USP9X: variants seen among roughly 807,000 people sequenced by gnomAD.
USP9X encodes the protein ubiquitin specific peptidase 9 X-linked, also known as ubiquitin carboxyl-terminal hydrolase 9X.
USP9X carries 7 observed loss-of-function variants against 190.3 expected under a neutral mutation model. The observed-to-expected ratio is 0.04, with a 90% CI of 0.02 to 0.07. The LOEUF is 0.07. USP9X is among the 10% of genes least tolerant of loss of function. The probability of loss-of-function intolerance (pLI) is 1.00; values close to 1 mark genes in which losing one functional copy is unlikely to be tolerated. For missense variants in USP9X, 1,010 were observed against 1,916.9 expected, an observed-to-expected ratio of 0.53 and a Z score of 8.83; for synonymous variants, 645 against 659.5, an observed-to-expected ratio of 0.98 and a Z score of 0.34.
At chrX:41,090,830 T>C (rs2061950734) in intron 1 of USP9X, among the ~76,000 whole-genome samples, 1 of 111,145 alleles carries the variant, frequency 9.0e-6, no homozygotes, top group Non-Finnish European at 1.9e-5. Flanking sequence ...GCTCAAACAC[T>C]AGAAGAGACA....
chrX:41,105,677 T>C (rs767694322), intron 1 of USP9X, among the ~76,000 whole-genome samples: 28 of 112,351 alleles, frequency 2.5e-4, no homozygotes, highest in Non-Finnish European at 4.5e-4. Context: ...AATTGCTGTA[T>C]GTATCATATG....
intron 1 of USP9X, among the ~76,000 whole-genome samples, chrX:41,122,090 T>C (rs929605040): frequency 9.1e-6 from 1 of 110,385 alleles, no homozygotes; most frequent in Non-Finnish European, 1.9e-5. Context: ...CCAGAGGTTT[T>C]TGGGGGGTTT....
intron 13 of USP9X, 143 bp downstream of exon 13, chrX:41,151,200 ATTCTT>A: frequency 1.9e-6 from 1 of 535,716 alleles, no homozygotes; most frequent in African/African-American, 2.8e-5. Flanking sequence ...GAACAAAAGA[ATTCTT>A]TATTACATCT....
At chrX:41,162,216 C>T (rs1402884260) in intron 14 of USP9X, among the ~76,000 whole-genome samples, 1 of 111,429 alleles carries the variant, frequency 9.0e-6, no homozygotes, top group Non-Finnish European at 1.9e-5. Flanking sequence ...TTGCACATAC[C>T]ATAGGGTCTG....
chrX:41,102,070 T>C (rs2062038084), intron 1 of USP9X, among the ~76,000 whole-genome samples: 1 of 111,577 alleles, frequency 9.0e-6, no homozygotes, highest in African/African-American at 3.3e-5. Flanking sequence ...TCGATTTTGG[T>C]GATAATTGTG....
intron 14 of USP9X, among the ~76,000 whole-genome samples, chrX:41,160,026 A>C (rs2062615526): frequency 9.9e-6 from 1 of 100,777 alleles, no homozygotes; most frequent in South Asian, 4.3e-4. Context: ...TTTTTTTTTA[A>C]ATGAACTTTT....
At position 41,205,442 on chromosome X, in the gene USP9X, C is replaced by G. The variant is rs1184694581; in HGVS notation, c.4964C>G (p.Ala1655Gly). The change falls in exon 32 of 45, where the codon GCT becomes GGT. Residue 1655 changes from alanine (A) to glycine (G), a missense_variant. Physicochemically the swap from Ala to Gly is moderately conservative, Grantham distance 60. Coordinates refer to ENST00000378308, the MANE Select transcript of USP9X (RefSeq NM_001039591.3). ...CTTCAGGTCATCTTTGGTCATTTAG[C>G]TGCTTCTCGACTGCAATACTATGTG... The part of the protein sequence containing the change: ...RHLQVIFGHL[A>G]ASRLQYYVPR... The G allele has an allele frequency of 8.3e-7, 1 of 1,210,896 alleles. No homozygotes were observed. The highest frequency in any genetic ancestry group is 1.1e-6 in the Non-Finnish European group (1 of 895,163).
At chrX:41,120,327 T>A (rs1200198623) in intron 1 of USP9X, among the ~76,000 whole-genome samples, 1 of 112,288 alleles carries the variant, frequency 8.9e-6, no homozygotes, top group Non-Finnish European at 1.9e-5. Flanking sequence ...CTGTATACAT[T>A]TGTAAGGATT....
Position 41,216,468 on chromosome X carries a change from A to G in USP9X, c.5901A>G (p.Arg1967=). Residue 1967 remains arginine (R), a synonymous_variant, in exon 35 of 45, where the codon AGA becomes AGG. Transcript: ENST00000378308. ...TAGACCAAGATGATGAGTTGATAAG[A>G]TATATATCAGAGCTTGCTATCACCA... ...DTIDQDDELI[R]YISELAITTR... The G allele has an allele frequency of 8.3e-7, 1 of 1,211,456 alleles. No individual in the cohort carries two copies. Among genetic ancestry groups the G allele is most frequent in the Non-Finnish European group, 1.1e-6 (1 of 895,446 alleles).
intron 43 of USP9X, 137 bp from the exon 44 acceptor site, chrX:41,230,364 G>GTTTT: frequency 2.5e-6 from 1 of 401,031 alleles, no homozygotes; most frequent in Non-Finnish European, 4.1e-6. Context: ...TTTTCCCCAA[G>GTTTT]TTCTTTATCT....
In USP9X at chrX:41,131,338, T is replaced by C. The variant is rs1167020420; in HGVS notation, c.243-119T>C. The C allele has an allele frequency of 5.9e-6, 3 of 504,654 alleles. No homozygotes were observed. The Admixed American group carries it at 1.5e-4, about 25-fold the overall frequency. The allele number at this position is 504,654 out of a possible 1,213,427, so 41.6% of individuals were successfully genotyped here. On this transcript the variant is annotated intron_variant, in intron 3 of 44. Transcript: ENST00000378308. ...CCAACCTTGTCTTAATATTTTAATG[T>C]TATTTTAATATTAATATTAAATATT...
rs775829832 is a variant in USP9X, at chrX:41,102,306, C to G, written c.-159+16197C>G. 2.7e-5 allele frequency among the ~76,000 whole-genome samples: 3 copies of G among 111,650 alleles called. No individual in the cohort carries two copies. In the South Asian group the frequency reaches 1.1e-3, roughly 42 times the overall value. ...TTGGAAGATACAGGCAGAAAGAACA[C>G]CCAGTGGAGGCACATAAAAAATGTT... On this transcript the variant is annotated intron_variant, in intron 1 of 44. Coordinates refer to ENST00000378308, the MANE Select transcript of USP9X (RefSeq NM_001039591.3).
intron 6 of USP9X, among the ~76,000 whole-genome samples, chrX:41,137,829 A>G (rs1417441570): frequency 1.8e-5 from 2 of 110,834 alleles, no homozygotes; most frequent in African/African-American, 6.5e-5. Context: ...AAATAATGGC[A>G]GTCTTCAAAA....
At position 41,085,666 on chromosome X, in the gene USP9X, G is replaced by C; in HGVS notation, c.-602G>C. The C allele has an allele frequency of 3.4e-6, 1 of 295,080 alleles. No homozygotes were observed. The highest frequency in any genetic ancestry group is 5.9e-6 in the Non-Finnish European group (1 of 168,702). 24.3% of individuals were successfully genotyped at this position (295,080 alleles called of 1,213,427 possible). On this transcript the variant is annotated 5_prime_UTR_variant, in exon 1 of 45. Coordinates refer to ENST00000378308, the MANE Select transcript of USP9X (RefSeq NM_001039591.3). ...GCCTTAGCGCCCGGTGCTTGGGTCG[G>C]CGCCGGGAGCGAGGAGCGAGCTACT...
intron 1 of USP9X, among the ~76,000 whole-genome samples, chrX:41,107,334 TTTCA>T (rs931813061): frequency 2.7e-5 from 3 of 112,590 alleles, no homozygotes; most frequent in Non-Finnish European, 3.8e-5. Context: ...GTTTTATTTC[TTTCA>T]GTGCTTGAAG....
At chrX:41,098,967 T>C (rs915715688) in intron 1 of USP9X, among the ~76,000 whole-genome samples, 1 of 108,551 alleles carries the variant, frequency 9.2e-6, no homozygotes, top group African/African-American at 3.4e-5. Flanking sequence ...GCTCTATCAC[T>C]CAGGCTGGAG....
At chrX:41,157,320 A>G (rs933079013) in intron 14 of USP9X, among the ~76,000 whole-genome samples, 1 of 111,478 alleles carries the variant, frequency 9.0e-6, no homozygotes, top group Non-Finnish European at 1.9e-5. Flanking sequence ...GGACAAAAAC[A>G]TAAACTTTCT....
chrX:41,234,903 C>T lies in USP9X; in HGVS notation c.*2379C>T, dbSNP rs2063389852. On this transcript the variant is annotated 3_prime_UTR_variant, in exon 45 of 45. Transcript: ENST00000378308. ...AATTTAAAAGTTCCTCAATTCCAAGCTCTTTAAACGAGTGAAATAGGTTAA... is the reference window on the plus strand; with the variant it reads ...AATTTAAAAGTTCCTCAATTCCAAGTTCTTTAAACGAGTGAAATAGGTTAA... 2 of 112,045 alleles carry T rather than the reference C, an allele frequency of 1.8e-5. No homozygotes were observed. The highest frequency in any genetic ancestry group is 7.3e-4 in the South Asian group (2 of 2,725). 9.2% of individuals were successfully genotyped at this position (112,045 alleles called of 1,213,427 possible).
At chrX:41,183,872 A>G (rs754129623) in intron 21 of USP9X, 126 bp from the exon 22 acceptor site, 45 of 829,683 alleles carry the variant, frequency 5.4e-5, no homozygotes, top group East Asian at 1.5e-4. Context: ...TGTCTTAGGA[A>G]GTTTGAGCCT....
Sources: gnomAD v4.1 joint callset for allele counts (sites outside exome capture counted in the v4.1 genomes callset) on GRCh38, gnomAD v4.1.1 for gene constraint, MANE v1.5 for transcripts, NCBI Gene and HGNC (gene_info 2026-07-23, HGNC 2026-07-21) for gene names.